Variants in MSRA observed in about 807,000 individuals in gnomAD.
The protein encoded by MSRA is methionine sulfoxide reductase A.
A neutral mutation model predicts 31.3 loss-of-function variants in MSRA; 54 were observed. The ratio of observed to expected loss-of-function variants is 1.73; its 90% CI spans 1.39 to 2.17. The LOEUF (loss-of-function observed/expected upper bound fraction) is 2.17. MSRA is among the 30% of genes most tolerant of loss of function. The probability of loss-of-function intolerance (pLI) is 0.00; values close to 1 mark genes in which losing one functional copy is unlikely to be tolerated. For missense variants in MSRA, 507 were observed against 300.9 expected, an observed-to-expected ratio of 1.69 and a Z score of -5.07; for synonymous variants, 169 against 116.5, an observed-to-expected ratio of 1.45 and a Z score of -2.90.
At chr8:10,311,751 A>C (rs893670271) in intron 4 of MSRA, among the ~76,000 whole-genome samples, 4 of 152,092 alleles carry the variant, frequency 2.6e-5, no homozygotes, top group African/African-American at 9.7e-5. Flanking sequence ...CCATCTCTAC[A>C]AGAAATTTCA....
chr8:10,118,862 A>G (rs1351368254), intron 1 of MSRA, among the ~76,000 whole-genome samples: 1 of 152,188 alleles, frequency 6.6e-6, no homozygotes, highest in Non-Finnish European at 1.5e-5. Flanking sequence ...TGTAGGATAC[A>G]GGGGTTCTTT....
intron 1 of MSRA, among the ~76,000 whole-genome samples, chr8:10,129,703 G>A (rs1801760672): frequency 6.6e-6 from 1 of 152,094 alleles, no homozygotes; most frequent in South Asian, 2.1e-4. Flanking sequence ...CCATCCTTGA[G>A]CCCCTGGAGG....
chr8:10,385,288 G>A (rs375185314), intron 5 of MSRA, among the ~76,000 whole-genome samples: 21 of 152,268 alleles, frequency 1.4e-4, no homozygotes, highest in African/African-American at 4.6e-4. Flanking sequence ...TGAAGTTGGG[G>A]GGATTCAGGT....
At chr8:10,166,400 ATG>A (rs1238782810) in intron 1 of MSRA, among the ~76,000 whole-genome samples, 1 of 130,170 alleles carries the variant, frequency 7.7e-6, no homozygotes. Flanking sequence ...GTGTGCTCAT[ATG>A]TGTGTATGTG....
At chr8:10,209,298 C>G (rs1368746679) in intron 2 of MSRA, among the ~76,000 whole-genome samples, 1 of 152,162 alleles carries the variant, frequency 6.6e-6, no homozygotes, top group Admixed American at 6.5e-5. Context: ...ATTTTCCAGT[C>G]TCTCAGATTC....
chr8:10,250,377 A>G (rs1323882105), intron 3 of MSRA: 2 of 700,272 alleles, frequency 2.9e-6, no homozygotes, highest in Non-Finnish European at 2.6e-6. Flanking sequence ...AAGAAAACCC[A>G]GGATGTTCAT....
intron 1 of MSRA, among the ~76,000 whole-genome samples, chr8:10,149,490 G>C (rs145252598): frequency 6.4e-4 from 97 of 152,324 alleles, no homozygotes; most frequent in African/African-American, 2.2e-3. Context: ...GGCCTGTGCT[G>C]ATTGAAGGGA....
intron 3 of MSRA, among the ~76,000 whole-genome samples, chr8:10,251,266 A>G (rs151235795): frequency 5.0e-4 from 76 of 151,990 alleles, no homozygotes; most frequent in African/African-American, 1.6e-3. Context: ...GCGCATGTCT[A>G]TGTATCTTAC....
chr8:10,271,029 A>G (rs2975668), intron 3 of MSRA, among the ~76,000 whole-genome samples: 18,687 of 151,752 alleles, frequency 0.12, 1,652 homozygotes, highest in Admixed American at 0.3. Flanking sequence ...TGTTCTGGCA[A>G]TAAATAACTT....
At chr8:10,307,964 CTGGGTTTG>C (rs2129129886) in intron 4 of MSRA, among the ~76,000 whole-genome samples, 1 of 152,316 alleles carries the variant, frequency 6.6e-6, no homozygotes, top group South Asian at 2.1e-4. Flanking sequence ...CGTGCAGCTT[CTGGGTTTG>C]TGGCCTTAGA....
chr8:10,293,599 C>T (rs1158628980), intron 3 of MSRA, among the ~76,000 whole-genome samples: 1 of 152,322 alleles, frequency 6.6e-6, no homozygotes, highest in East Asian at 1.9e-4. Context: ...GTGACTGTTA[C>T]TAGGGAATCA....
chr8:10,119,604 A>G (rs1488100945), intron 1 of MSRA, among the ~76,000 whole-genome samples: 1 of 152,328 alleles, frequency 6.6e-6, no homozygotes, highest in East Asian at 1.9e-4. Context: ...AGAGAAAACC[A>G]TTCAAAGAAA....
At chr8:10,402,768 C>T (rs1339987027) in intron 5 of MSRA, among the ~76,000 whole-genome samples, 3 of 152,176 alleles carry the variant, frequency 2.0e-5, no homozygotes, top group African/African-American at 7.2e-5. Flanking sequence ...GATACTTTTG[C>T]ATAGTATTTG....
chr8:10,275,986 C>T (rs914904514), intron 3 of MSRA, among the ~76,000 whole-genome samples: 9 of 152,184 alleles, frequency 5.9e-5, no homozygotes, highest in African/African-American at 1.7e-4. Flanking sequence ...TCCTCTGGTA[C>T]TGGGGGTTTA....
rs1797552396 is a variant in MSRA at position 10,245,146 on chromosome 8, TGAAAG to T, written c.257_261del (p.Lys86SerfsTer19). On this transcript the variant is annotated frameshift_variant, in exon 3 of 6. Coordinates refer to ENST00000317173, the MANE Select transcript of MSRA (RefSeq NM_012331.5). LOFTEE classifies it high-confidence loss of function. ...GGAGCTGAAAGGAAATTCTGGGTCT[TGAAAG>T]GAGTGTATTCAACTCAAGTTGGTTT... 1 of 1,613,682 alleles carries T rather than the reference TGAAAG, an allele frequency of 6.2e-7. No individual in the cohort carries two copies. Among genetic ancestry groups the T allele is most frequent in the South Asian group, 1.1e-5 (1 of 91,048 alleles).
Position 10,245,094 on chromosome 8 carries a change from C to G in MSRA, c.212-10C>G, listed in dbSNP as rs780150981. 6.4e-7 allele frequency: 1 copy of G among 1,552,174 alleles called. No individual in the cohort carries two copies. The highest frequency in any genetic ancestry group is 2.3e-5 in the East Asian group (1 of 43,334). ...TCAGTATCCTTTTTTTTTCTTTTTT[C>G]TTTTTTAAGGAATGGGATGTTTCTG... On this transcript the variant is annotated splice_polypyrimidine_tract_variant and intron_variant, in intron 2 of 5. Coordinates refer to ENST00000317173, the MANE Select transcript of MSRA (RefSeq NM_012331.5).
intron 3 of MSRA, among the ~76,000 whole-genome samples, chr8:10,289,512 C>G (rs918977711): frequency 6.6e-6 from 1 of 152,248 alleles, no homozygotes; most frequent in South Asian, 2.1e-4. Context: ...CTTTGTGTTA[C>G]AGACAATCCA....
At chr8:10,245,803 T>C (rs1797593648) in intron 3 of MSRA, among the ~76,000 whole-genome samples, 1 of 152,240 alleles carries the variant, frequency 6.6e-6, no homozygotes, top group Admixed American at 6.5e-5. Context: ...ACGTTCACTT[T>C]TATACCATTG....
intron 1 of MSRA, among the ~76,000 whole-genome samples, chr8:10,103,435 T>C (rs1227553954): frequency 6.6e-6 from 1 of 152,204 alleles, no homozygotes; most frequent in Non-Finnish European, 1.5e-5. Context: ...TTTGCATCAC[T>C]TACTAACTGG....
Sources: allele counts gnomAD v4.1 joint callset (sites outside exome capture counted in the v4.1 genomes callset), GRCh38; gene constraint gnomAD v4.1.1; transcripts MANE v1.5; gene names NCBI Gene and HGNC (gene_info 2026-07-23, HGNC 2026-07-21).